Variants in CCSER1 observed in about 807,000 individuals in gnomAD.
The protein encoded by CCSER1 is coiled-coil serine rich protein 1.
A neutral mutation model predicts 82.0 loss-of-function variants in CCSER1; 41 were observed. The observed-to-expected ratio is 0.50, with a 90% CI of 0.39 to 0.65. CCSER1 has a LOEUF of 0.65. CCSER1 is among the 30% of genes least tolerant of loss of function. CCSER1 has a pLI of 0.00. For missense variants in CCSER1, 1,119 were observed against 1,064.2 expected (o/e 1.05, Z -0.72); for synonymous variants, 414 against 383.9 (o/e 1.08, Z -0.92).
intron 10 of CCSER1, among the ~76,000 whole-genome samples, chr4:91,172,517 G>T (rs980586883): frequency 6.6e-6 from 1 of 152,154 alleles, no homozygotes; most frequent in Non-Finnish European, 1.5e-5. Context: ...GCTCTGGCTC[G>T]CTCTCCAAGG....
At chr4:90,529,087 C>A (rs1164865076) in intron 5 of CCSER1, among the ~76,000 whole-genome samples, 1 of 152,050 alleles carries the variant, frequency 6.6e-6, no homozygotes, top group African/African-American at 2.4e-5. Context: ...AAGTCACTCT[C>A]AGGCTTGATG....
At chr4:90,551,532 C>T (rs775948979) in intron 5 of CCSER1, among the ~76,000 whole-genome samples, 1 of 151,826 alleles carries the variant, frequency 6.6e-6, no homozygotes, top group Non-Finnish European at 1.5e-5. Flanking sequence ...GTCCCCTGTG[C>T]ATCCTTTAGG....
At chr4:90,459,447 A>G (rs1762605139) in intron 4 of CCSER1, among the ~76,000 whole-genome samples, 1 of 152,174 alleles carries the variant, frequency 6.6e-6, no homozygotes, top group African/African-American at 2.4e-5. Flanking sequence ...GCATAACAAA[A>G]GGTATTATTG....
intron 10 of CCSER1, among the ~76,000 whole-genome samples, chr4:91,216,866 T>C (rs903030830): frequency 2.0e-5 from 3 of 152,194 alleles, no homozygotes; most frequent in Non-Finnish European, 2.9e-5. Context: ...TTCTTGCTAT[T>C]GTTTGGAACA....
intron 5 of CCSER1, among the ~76,000 whole-genome samples, chr4:90,497,671 G>A (rs1769241953): frequency 6.6e-6 from 1 of 152,086 alleles, no homozygotes. Flanking sequence ...TCAATATAAA[G>A]CCAAAGAAGT....
rs763844086 is a variant in CCSER1, at chr4:90,627,942, T to C, written c.1725-83T>C. 43 of 1,003,820 alleles carry C rather than the reference T, an allele frequency of 4.3e-5. 2 individuals carry two copies. Among genetic ancestry groups the C allele is most frequent in the Middle Eastern group, 2.6e-4 (1 of 3,834 alleles). 62.2% of individuals were successfully genotyped at this position (1,003,820 alleles called of 1,614,324 possible). ...ACACAAGAAATACTTTCTAGGATAC[T>C]AGAAACATTGATTAACAACTTGGGA... is the stretch of plus-strand genomic sequence containing the variant. On this transcript the variant is annotated intron_variant, in intron 5 of 10. Transcript: ENST00000509176.
intron 6 of CCSER1, among the ~76,000 whole-genome samples, chr4:90,644,811 G>C (rs917177273): frequency 2.0e-5 from 3 of 151,926 alleles, no homozygotes; most frequent in Non-Finnish European, 4.4e-5. Context: ...GCCAGGTGCG[G>C]TGGCTCACAC....
chr4:90,660,516 CAAG>C (rs1730576049), intron 6 of CCSER1, among the ~76,000 whole-genome samples: 1 of 152,064 alleles, frequency 6.6e-6, no homozygotes, highest in East Asian at 1.9e-4. Flanking sequence ...TGATATTCTT[CAAG>C]TTATGTCTTA....
intron 9 of CCSER1, among the ~76,000 whole-genome samples, chr4:91,081,038 A>G (rs1722659780): frequency 6.6e-6 from 1 of 152,318 alleles, no homozygotes; most frequent in South Asian, 2.1e-4. Flanking sequence ...AAAAGAGGGA[A>G]TCCTCCCTAA....
chr4:90,323,097 G>T (rs991616835), intron 3 of CCSER1, among the ~76,000 whole-genome samples: 2 of 152,154 alleles, frequency 1.3e-5, no homozygotes, highest in Non-Finnish European at 2.9e-5. Context: ...GAATATGCAG[G>T]GTGCTTCATT....
chr4:90,192,517 G>C (rs57711133), intron 1 of CCSER1, among the ~76,000 whole-genome samples: 45,641 of 151,892 alleles, frequency 0.3, 9,340 homozygotes, highest in East Asian at 0.65. Flanking sequence ...CTGGATTTGC[G>C]ACCATTGCCG....
chr4:90,228,729 T>A (rs146160455), intron 1 of CCSER1, among the ~76,000 whole-genome samples: 28,847 of 151,942 alleles, frequency 0.19, 3,104 homozygotes, highest in South Asian at 0.28. Flanking sequence ...TTGAGAAAAG[T>A]TTAGAAGAAT....
chr4:90,388,842 G>A (rs1312555307), intron 3 of CCSER1, among the ~76,000 whole-genome samples: 1 of 151,044 alleles, frequency 6.6e-6, no homozygotes, highest in Non-Finnish European at 1.5e-5. Flanking sequence ...CACCATTTTG[G>A]TCAGGCTGGT....
At chr4:90,391,504 A>ATATATATATAT (rs1751126399) in intron 3 of CCSER1, among the ~76,000 whole-genome samples, 1 of 79,414 alleles carries the variant, frequency 1.3e-5, no homozygotes, top group East Asian at 4.7e-4. Context: ...ACAGTGGGTA[A>ATATATATATAT]ATATATATAT....
intron 10 of CCSER1, among the ~76,000 whole-genome samples, chr4:91,490,920 A>G (rs1253440706): frequency 1.1e-5 from 1 of 90,632 alleles, no homozygotes; most frequent in Non-Finnish European, 2.3e-5. Flanking sequence ...ATATATATAT[A>G]TATATATAAA....
At chr4:91,385,164 G>A (rs1419075912) in intron 10 of CCSER1, among the ~76,000 whole-genome samples, 1 of 151,806 alleles carries the variant, frequency 6.6e-6, no homozygotes, top group African/African-American at 2.4e-5. Context: ...GTAAAATATT[G>A]GAAATTATGA....
intron 1 of CCSER1, among the ~76,000 whole-genome samples, chr4:90,207,660 G>A (rs1024210527): frequency 3.9e-5 from 6 of 152,118 alleles, no homozygotes; most frequent in Admixed American, 2.6e-4. Flanking sequence ...TGATGTTGGT[G>A]ACCTTCTGCT....
At chr4:90,224,756 T>G (rs1742819866) in intron 1 of CCSER1, among the ~76,000 whole-genome samples, 1 of 152,210 alleles carries the variant, frequency 6.6e-6, no homozygotes, top group African/African-American at 2.4e-5. Context: ...AGTGGTAGTA[T>G]TTGTAATTTA....
At chr4:91,440,229 A>G (rs1054243202) in intron 10 of CCSER1, among the ~76,000 whole-genome samples, 2 of 152,144 alleles carry the variant, frequency 1.3e-5, no homozygotes, top group African/African-American at 4.8e-5. Flanking sequence ...AACTCTCCTC[A>G]GCAAACATAA....
Sources: allele counts gnomAD v4.1 joint callset (sites outside exome capture counted in the v4.1 genomes callset), GRCh38; gene constraint gnomAD v4.1.1; transcripts MANE v1.5; gene names NCBI Gene and HGNC (gene_info 2026-07-23, HGNC 2026-07-21).